Variants in CHRM3 observed in about 807,000 individuals in gnomAD.
The protein encoded by CHRM3 is muscarinic acetylcholine receptor M3.
A neutral mutation model predicts 41.8 loss-of-function variants in CHRM3; 11 were observed. The observed-to-expected ratio is 0.26, with a 90% CI of 0.17 to 0.44. CHRM3 has a LOEUF of 0.44. Ranked by LOEUF, CHRM3 falls within the 20% of genes least tolerant of loss-of-function variation. CHRM3 has a pLI of 1.00. For synonymous variants in CHRM3, 297 were observed against 301.4 expected, an observed-to-expected ratio of 0.99 and a Z score of 0.15; for missense variants, 571 against 745.4, an observed-to-expected ratio of 0.77 and a Z score of 2.72.
At chr1:239,430,019 G>A (rs1267813431) in intron 1 of CHRM3, among the ~76,000 whole-genome samples, 1 of 144,036 alleles carries the variant, frequency 6.9e-6, no homozygotes, top group African/African-American at 2.6e-5. Flanking sequence ...CCAGGCTAGA[G>A]TGCAGTGGCA....
At chr1:239,773,639 A>T (rs972209511) in intron 5 of CHRM3, among the ~76,000 whole-genome samples, 6 of 152,162 alleles carry the variant, frequency 3.9e-5, no homozygotes, top group African/African-American at 1.4e-4. Flanking sequence ...ATAATTCTGA[A>T]AAGGAAGTCC....
At chr1:239,593,118 A>T (rs1664372045) in intron 3 of CHRM3, among the ~76,000 whole-genome samples, 1 of 152,042 alleles carries the variant, frequency 6.6e-6, no homozygotes, top group African/African-American at 2.4e-5. Context: ...AAAATCAATT[A>T]GGTCATTCAT....
intron 3 of CHRM3, among the ~76,000 whole-genome samples, chr1:239,581,249 A>T (rs949961308): frequency 6.6e-6 from 1 of 152,166 alleles, no homozygotes; most frequent in African/African-American, 2.4e-5. Flanking sequence ...TATAGATTAT[A>T]GAAAAGTTAT....
intron 5 of CHRM3, among the ~76,000 whole-genome samples, chr1:239,727,033 G>T (rs1361774657): frequency 1.3e-5 from 2 of 151,710 alleles, no homozygotes; most frequent in Non-Finnish European, 2.9e-5. Context: ...AATCATTTAA[G>T]CTCTAAGCCA....
intron 3 of CHRM3, among the ~76,000 whole-genome samples, chr1:239,591,398 C>T (rs1664134311): frequency 6.6e-6 from 1 of 152,162 alleles, no homozygotes; most frequent in Admixed American, 6.6e-5. Flanking sequence ...ACAGGATGTA[C>T]ATACTTCATT....
At chr1:239,846,837 A>C (rs1674307136) in intron 6 of CHRM3, among the ~76,000 whole-genome samples, 1 of 152,226 alleles carries the variant, frequency 6.6e-6, no homozygotes, top group Non-Finnish European at 1.5e-5. Flanking sequence ...AGCGGCATAG[A>C]GTAATGCTTA....
intron 1 of CHRM3, among the ~76,000 whole-genome samples, chr1:239,396,233 C>A (rs1007461292): frequency 2.6e-5 from 4 of 152,156 alleles, no homozygotes; most frequent in Non-Finnish European, 5.9e-5. Context: ...AAATATCAGA[C>A]TGTGAACTCC....
chr1:239,603,203 T>C (rs1453557551), intron 3 of CHRM3, among the ~76,000 whole-genome samples: 1 of 152,214 alleles, frequency 6.6e-6, no homozygotes, highest in Admixed American at 6.5e-5. Flanking sequence ...CACAATAGGA[T>C]AATAGGTTTT....
At chr1:239,404,589 G>A (rs963139317) in intron 1 of CHRM3, among the ~76,000 whole-genome samples, 4 of 150,666 alleles carry the variant, frequency 2.7e-5, no homozygotes, top group African/African-American at 4.9e-5. Flanking sequence ...AACTTGAGAT[G>A]TTTCTCAGGC....
At chr1:239,428,029 G>T (rs890628308) in intron 1 of CHRM3, among the ~76,000 whole-genome samples, 9 of 152,136 alleles carry the variant, frequency 5.9e-5, no homozygotes, top group Admixed American at 5.9e-4. Flanking sequence ...CATCTAACAG[G>T]AAGATAGGGG....
At chr1:239,551,596 T>G (rs1659839454) in intron 3 of CHRM3, among the ~76,000 whole-genome samples, 1 of 152,146 alleles carries the variant, frequency 6.6e-6, no homozygotes, top group Admixed American at 6.5e-5. Flanking sequence ...TAAACTTGTT[T>G]GATTTAAATG....
chr1:239,613,291 T>A (rs893245418), intron 3 of CHRM3, among the ~76,000 whole-genome samples: 1 of 152,238 alleles, frequency 6.6e-6, no homozygotes, highest in Non-Finnish European at 1.5e-5. Flanking sequence ...TGTTTCTGCC[T>A]TGTTAGAGCT....
chr1:239,893,873 T>TAAA (rs1678760680), intron 6 of CHRM3, among the ~76,000 whole-genome samples: 1 of 152,232 alleles, frequency 6.6e-6, no homozygotes. Flanking sequence ...TAGCCATGTA[T>TAAA]AAAATTCTTT....
chr1:239,778,301 C>T (rs1668255543), intron 5 of CHRM3, among the ~76,000 whole-genome samples: 1 of 152,106 alleles, frequency 6.6e-6, no homozygotes, highest in Non-Finnish European at 1.5e-5. Flanking sequence ...CTATTTTCAA[C>T]CATTTCCAAC....
chr1:239,725,294 G>T (rs1356141541), intron 5 of CHRM3, among the ~76,000 whole-genome samples: 1 of 151,812 alleles, frequency 6.6e-6, no homozygotes, highest in Non-Finnish European at 1.5e-5. Flanking sequence ...TGTAATTGGT[G>T]AATTACTGAC....
At chr1:239,631,953 C>T (rs1008646683) in intron 3 of CHRM3, among the ~76,000 whole-genome samples, 7 of 152,140 alleles carry the variant, frequency 4.6e-5, no homozygotes, top group Non-Finnish European at 1.0e-4. Context: ...GGAGCTTAGG[C>T]AGGCAGGAGG....
intron 6 of CHRM3, among the ~76,000 whole-genome samples, chr1:239,856,585 C>G (rs1394179431): frequency 6.6e-6 from 1 of 152,092 alleles, no homozygotes; most frequent in Non-Finnish European, 1.5e-5. Context: ...CTATAAATTA[C>G]CCAGTCTTGG....
intron 3 of CHRM3, among the ~76,000 whole-genome samples, chr1:239,605,222 C>T (rs1436611628): frequency 6.6e-6 from 1 of 152,140 alleles, no homozygotes; most frequent in Non-Finnish European, 1.5e-5. Context: ...CTGACATTTC[C>T]ATCAATGAGG....
rs550483972 is a variant in CHRM3, at chr1:239,900,218, C to T, written c.-19-7215C>T. On this transcript the variant is annotated intron_variant, in intron 6 of 6. Coordinates refer to ENST00000676153, the MANE Select transcript of CHRM3 (RefSeq NM_001375978.1). ...TGATACCTTCTACTCAGAAAATCACCGTAAACTGAGGGCTCTTAGCCCGGG... is the reference window on the plus strand; with the variant it reads ...TGATACCTTCTACTCAGAAAATCACTGTAAACTGAGGGCTCTTAGCCCGGG... Among the ~76,000 whole-genome samples the T allele has an allele frequency of 1.0e-3, 155 of 152,236 alleles. 2 individuals are homozygous for T. Among genetic ancestry groups the T allele is most frequent in the Admixed American group, 2.8e-3 (43 of 15,302 alleles).
Sources: gnomAD v4.1 joint callset for allele counts (sites outside exome capture counted in the v4.1 genomes callset) on GRCh38, gnomAD v4.1.1 for gene constraint, MANE v1.5 for transcripts, NCBI Gene and HGNC (gene_info 2026-07-23, HGNC 2026-07-21) for gene names.